Variants in RFX7 observed in about 807,000 individuals in gnomAD.
RFX7 encodes the protein regulatory factor X7.
RFX7 carries 26 observed loss-of-function variants against 111.8 expected under a neutral mutation model. The observed-to-expected ratio is 0.23, with a 90% confidence interval of 0.17 to 0.32. The LOEUF (loss-of-function observed/expected upper bound fraction) is 0.32. RFX7 is among the 10% of genes least tolerant of loss of function. The pLI is 1.00. For synonymous variants in RFX7, 624 were observed against 624.4 expected (o/e 1.00, Z 0.01); for missense variants, 1,573 against 1,772.9 (o/e 0.89, Z 2.02).
At chr15:56,179,761 A>AACACACACACAC (rs58597217) in intron 2 of RFX7, among the ~76,000 whole-genome samples, 364 of 137,386 alleles carry the variant, frequency 2.6e-3, no homozygotes, top group Non-Finnish European at 3.7e-3. Context: ...TCTCTGTCTC[A>AACACACACACAC]ACACACACAC....
rs2041664670 is a variant in RFX7, at chr15:56,095,637, T to G, written c.2091A>C (p.Gln697His). Residue 697 changes from glutamine (Q) to histidine (H), a missense_variant, in exon 10 of 10, where the codon CAA becomes CAC. Coordinates refer to ENST00000559447, the MANE Select transcript of RFX7 (RefSeq NM_022841.7). ...CTGTTTTCCCTGAATGTGGAACCTT[T>G]TGGTCCTTCTTAACACTGCCTTGTT... Reference protein sequence around the residue: ...GQKQGSVKKDQKVPHSGKTEG... With the variant: ...GQKQGSVKKDHKVPHSGKTEG... The G allele has an allele frequency of 6.2e-7, 1 of 1,613,904 alleles. No individual in the cohort carries two copies. Among genetic ancestry groups the G allele is most frequent in the Non-Finnish European group, 8.5e-7 (1 of 1,179,898 alleles).
At chr15:56,123,982 T>C (rs988694935) in intron 5 of RFX7, among the ~76,000 whole-genome samples, 1 of 152,212 alleles carries the variant, frequency 6.6e-6, no homozygotes, top group Non-Finnish European at 1.5e-5. Flanking sequence ...CTCTTTCAAC[T>C]TAAAACCAGG....
At chr15:56,206,205 T>C (rs778504522) in intron 2 of RFX7, among the ~76,000 whole-genome samples, 9 of 151,432 alleles carry the variant, frequency 5.9e-5, no homozygotes, top group Non-Finnish European at 8.8e-5. Flanking sequence ...GATGGATAAA[T>C]GGACAAAAAA....
intron 5 of RFX7, among the ~76,000 whole-genome samples, chr15:56,111,661 C>CAAAAAAAAAAAAAAAAAAACCAA (rs2041934754): frequency 3.1e-5 from 3 of 95,548 alleles, no homozygotes; most frequent in South Asian, 4.0e-4. Context: ...ATAAATAAAC[C>CAAAAAAAAAAAAAAAAAAACCAA]AAAAAAAAAA....
chr15:56,173,119 G>A (rs1342265955), intron 3 of RFX7, among the ~76,000 whole-genome samples: 1 of 152,166 alleles, frequency 6.6e-6, no homozygotes, highest in East Asian at 1.9e-4. Context: ...AGTGTTCGAG[G>A]TGGCAAAGAA....
At chr15:56,149,644 G>C (rs796696003) in intron 3 of RFX7, among the ~76,000 whole-genome samples, 4 of 152,172 alleles carry the variant, frequency 2.6e-5, no homozygotes, top group African/African-American at 9.7e-5. Flanking sequence ...GTGAGGGACT[G>C]AGCCTGAAGA....
At chr15:56,149,602 C>T (rs1054856024) in intron 3 of RFX7, among the ~76,000 whole-genome samples, 56 of 152,016 alleles carry the variant, frequency 3.7e-4, no homozygotes, top group Non-Finnish European at 7.2e-4. Flanking sequence ...CACAAGGTGT[C>T]GGGGAATTTT....
At chr15:56,223,686 G>C (rs1354151369) in intron 2 of RFX7, among the ~76,000 whole-genome samples, 1 of 152,016 alleles carries the variant, frequency 6.6e-6, no homozygotes, top group Non-Finnish European at 1.5e-5. Context: ...AAAAAACCAA[G>C]CCCTACAAAG....
At position 56,092,591 on chromosome 15, in the gene RFX7, G is replaced by T. The variant is rs1392295273; in HGVS notation, c.*754C>A. On this transcript the variant is annotated 3_prime_UTR_variant, in exon 10 of 10. Transcript: ENST00000559447. ...TATTATATTAAATTACAAATGCCTGGAGTTACATTTGCTTGTTTTGTGTGT... is the reference window on the plus strand; with the variant it reads ...TATTATATTAAATTACAAATGCCTGTAGTTACATTTGCTTGTTTTGTGTGT... The T allele has an allele frequency of 1.3e-5, 2 of 152,322 alleles. No homozygotes were observed. Among genetic ancestry groups the T allele is most frequent in the African/African-American group, 4.8e-5 (2 of 41,390 alleles). The allele number at this position is 152,322 out of a possible 1,614,324, so 9.4% of individuals were successfully genotyped here. A position where few individuals can be genotyped will look rare whatever the true frequency, so the allele number is the denominator to read the frequency against.
chr15:56,137,148 T>C (rs1449024208), intron 5 of RFX7, among the ~76,000 whole-genome samples: 3 of 152,112 alleles, frequency 2.0e-5, no homozygotes, highest in African/African-American at 7.2e-5. Context: ...TTAGGGAGGA[T>C]TCCCTCTTTT....
Position 56,094,821 on chromosome 15 carries a change from A to T in RFX7, c.2907T>A (p.Ile969=). 1 of 1,579,784 alleles carries T rather than the reference A, an allele frequency of 6.3e-7. No homozygotes were observed. Residue 969 remains isoleucine, a synonymous_variant, in exon 10 of 10, where the codon ATT becomes ATA. Transcript: ENST00000559447. The part of the protein sequence containing the change: ...TPTPTPTSEM[I]AGSQSLSRES... ...CCCGTGACAGACTCTGAGATCCAGC[A>T]ATCATTTCAGATGTCGGGGTTGGGG...
At chr15:56,198,393 A>G (rs2043165386) in intron 2 of RFX7, among the ~76,000 whole-genome samples, 1 of 152,182 alleles carries the variant, frequency 6.6e-6, no homozygotes. Context: ...TCAAGGAAAT[A>G]TGTTCCATTA....
intron 9 of RFX7, 59 bp downstream of exon 9, chr15:56,098,022 A>T (rs1595921541): frequency 6.6e-7 from 1 of 1,509,686 alleles, no homozygotes; most frequent in Non-Finnish European, 9.1e-7. Context: ...TGCCACTTTT[A>T]AGTAAACAGT....
chr15:56,203,102 A>G (rs2043210754), intron 2 of RFX7, among the ~76,000 whole-genome samples: 2 of 152,252 alleles, frequency 1.3e-5, no homozygotes, highest in African/African-American at 2.4e-5. Context: ...CACAGATCAT[A>G]AGGCATTTAT....
intron 5 of RFX7, among the ~76,000 whole-genome samples, chr15:56,117,523 T>G (rs1156284949): frequency 6.6e-6 from 1 of 152,162 alleles, no homozygotes; most frequent in Admixed American, 6.5e-5. Context: ...TCCGCACTAC[T>G]TGAAAGTATA....
chr15:56,121,735 C>A (rs1464769563), intron 5 of RFX7, among the ~76,000 whole-genome samples: 1 of 152,096 alleles, frequency 6.6e-6, no homozygotes, highest in Non-Finnish European at 1.5e-5. Flanking sequence ...TTTTTTGTCT[C>A]CCTCTGACTG....
intron 2 of RFX7, among the ~76,000 whole-genome samples, chr15:56,232,708 T>C (rs1408801185): frequency 2.0e-5 from 3 of 152,202 alleles, no homozygotes; most frequent in Admixed American, 1.3e-4. Flanking sequence ...CTTTGCTGCA[T>C]AGAAATTGCT....
rs2041667523 is a variant in RFX7 at position 56,095,779 on chromosome 15, T to G, written c.1949A>C (p.Lys650Thr). ...PNGDSINKDP[K>T]LCTKSPRKRL... Reference sequence around the variant, plus strand: ...TTTTCTTGGGCTTTTAGTGCATAATTTAGGGTCTTTATTGATTGAGTCACC... The same window carrying G: ...TTTTCTTGGGCTTTTAGTGCATAATGTAGGGTCTTTATTGATTGAGTCACC... Residue 650 changes from lysine to threonine, a missense_variant, in exon 10 of 10, where the codon AAA becomes ACA. Lys to Thr is a moderately conservative substitution (Grantham distance 78). This residue lies in a region of RFX7 where 625 missense variants were observed against 632.2 expected (regional missense o/e 0.99). Transcript: ENST00000559447. 1.2e-6 allele frequency: 2 copies of G among 1,613,604 alleles called. No homozygotes were observed. The highest frequency in any genetic ancestry group is 2.2e-5 in the East Asian group (1 of 44,886).
intron 5 of RFX7, among the ~76,000 whole-genome samples, chr15:56,118,718 G>GTATTGC (rs1432011772): frequency 6.6e-6 from 1 of 152,148 alleles, no homozygotes; most frequent in Non-Finnish European, 1.5e-5. Context: ...CCTAGCAGTG[G>GTATTGC]TATTGCTAGA....
Sources: gnomAD v4.1 joint callset for allele counts (sites outside exome capture counted in the v4.1 genomes callset) on GRCh38, gnomAD v4.1.1 for gene constraint, gnomAD v4.1.1 regional missense constraint, MANE v1.5 for transcripts, NCBI Gene and HGNC (gene_info 2026-07-23, HGNC 2026-07-21) for gene names.